Variants in CCDC169 observed in about 807,000 individuals in gnomAD.
The protein encoded by CCDC169 is coiled-coil domain containing 169, also known as coiled-coil domain-containing protein 169.
Under a neutral mutation model 36.0 loss-of-function variants are expected in CCDC169, and 30 were observed. The observed-to-expected ratio is 0.83, with a 90% CI of 0.62 to 1.13. CCDC169 has a LOEUF of 1.13. CCDC169 is among the 50% of genes most tolerant of loss of function. CCDC169 has a pLI of 0.00. For synonymous variants in CCDC169, 85 were observed against 81.5 expected, an observed-to-expected ratio of 1.04 and a Z score of -0.23; for missense variants, 245 against 245.9, an observed-to-expected ratio of 1.00 and a Z score of 0.03.
rs763913888 is a variant in CCDC169 at position 36,283,703 on chromosome 13, C to T, written c.164-1G>A. 8.4e-6 allele frequency: 13 copies of T among 1,547,924 alleles called. No individual in the cohort carries two copies. In the South Asian group the frequency reaches 1.1e-4, roughly 13 times the overall value. ...TCATAACGGGTTTTCCATTCACTAC[C>T]TGAGTAAAAACAGGGAGAAACAATC... On this transcript the variant is annotated splice_acceptor_variant, in intron 2 of 7. Transcript: ENST00000239859. LOFTEE classifies it high-confidence loss of function.
At chr13:36,240,301 T>C (rs1314831550) in intron 7 of CCDC169, among the ~76,000 whole-genome samples, 1 of 152,008 alleles carries the variant, frequency 6.6e-6, no homozygotes, top group African/African-American at 2.4e-5. Flanking sequence ...TACATATTCT[T>C]ATATAAAACC....
intron 4 of CCDC169, among the ~76,000 whole-genome samples, chr13:36,261,847 G>C (rs903372534): frequency 6.6e-6 from 1 of 152,326 alleles, no homozygotes; most frequent in South Asian, 2.1e-4. Context: ...CTGGGAACTT[G>C]CTGGTTGGAA....
chr13:36,259,822 C>T (rs911839717), intron 4 of CCDC169, among the ~76,000 whole-genome samples: 2 of 152,250 alleles, frequency 1.3e-5, no homozygotes, highest in Non-Finnish European at 2.9e-5. Flanking sequence ...CTTAGGCTCC[C>T]TGTCTCCAGA....
chr13:36,240,852 T>TA (rs1469098346), intron 7 of CCDC169, among the ~76,000 whole-genome samples: 12 of 152,250 alleles, frequency 7.9e-5, no homozygotes, highest in Admixed American at 3.3e-4. Flanking sequence ...TGTCTAGACT[T>TA]TTTTGGCAAC....
At chr13:36,232,369 C>G (rs1168705113) in intron 7 of CCDC169, among the ~76,000 whole-genome samples, 5 of 152,182 alleles carry the variant, frequency 3.3e-5, no homozygotes, top group Non-Finnish European at 5.9e-5. Flanking sequence ...TGGAGATGGT[C>G]CAGTGTAAAT....
intron 4 of CCDC169, among the ~76,000 whole-genome samples, chr13:36,262,529 G>A (rs879493564): frequency 1.3e-5 from 2 of 152,158 alleles, no homozygotes; most frequent in Admixed American, 6.5e-5. Flanking sequence ...CTATACCTAG[G>A]AATTCAAGTC....
At chr13:36,237,814 T>C (rs1871272136) in intron 7 of CCDC169, among the ~76,000 whole-genome samples, 1 of 152,212 alleles carries the variant, frequency 6.6e-6, no homozygotes, top group Non-Finnish European at 1.5e-5. Flanking sequence ...CTGTACCTTT[T>C]CTATGTTTAG....
chr13:36,265,432 TA>T (rs1430602923), intron 4 of CCDC169, among the ~76,000 whole-genome samples: 3 of 152,224 alleles, frequency 2.0e-5, no homozygotes, highest in South Asian at 2.1e-4. Context: ...GAAACCTTAT[TA>T]ATCTACTCTG....
chr13:36,230,298 G>A (rs1222957355), downstream of CCDC169, among the ~76,000 whole-genome samples: 1 of 152,198 alleles, frequency 6.6e-6, no homozygotes, highest in Non-Finnish European at 1.5e-5. Context: ...TAAGTTATAT[G>A]TTCCGGACCT....
intron 4 of CCDC169, among the ~76,000 whole-genome samples, chr13:36,263,197 A>G (rs1377303251): frequency 1.6e-5 from 2 of 125,298 alleles, no homozygotes; most frequent in Non-Finnish European, 3.8e-5. Flanking sequence ...AAAGTAGAGG[A>G]AAAAAAGGGT....
At chr13:36,231,412 G>A (rs2296532) in intron 7 of CCDC169, 120 bp from the exon 8 acceptor site, 151,355 of 926,448 alleles carry the variant, frequency 0.16, 13,465 homozygotes, top group Non-Finnish European at 0.18. Flanking sequence ...ACCTTCACAC[G>A]GAAACCTTCC....
At chr13:36,275,812 A>G (rs1006639923) in intron 4 of CCDC169, among the ~76,000 whole-genome samples, 1 of 152,210 alleles carries the variant, frequency 6.6e-6, no homozygotes, top group African/African-American at 2.4e-5. Flanking sequence ...TAAAGAAATT[A>G]GTATCACAGT....
downstream of CCDC169, chr13:36,224,376 GA>G: frequency 6.6e-6 from 1 of 151,816 alleles, no homozygotes; most frequent in East Asian, 1.9e-4. Context: ...CCTATACATA[GA>G]AAACCCTACA....
intron 4 of CCDC169, chr13:36,282,394 T>C (rs1478632327): frequency 1.0e-6 from 1 of 985,402 alleles, no homozygotes; most frequent in Non-Finnish European, 1.2e-6. Context: ...GGATATAGGA[T>C]TGTTGGATCC....
At chr13:36,236,159 A>G (rs1380578943) in intron 7 of CCDC169, among the ~76,000 whole-genome samples, 1 of 152,032 alleles carries the variant, frequency 6.6e-6, no homozygotes, top group Non-Finnish European at 1.5e-5. Context: ...TGGATCCTAA[A>G]TCCACATGGA....
intron 2 of CCDC169, among the ~76,000 whole-genome samples, chr13:36,293,350 C>T (rs2138655162): frequency 6.6e-6 from 1 of 152,260 alleles, no homozygotes; most frequent in Non-Finnish European, 1.5e-5. Flanking sequence ...AATTACTTAG[C>T]ATATTCCCCA....
chr13:36,274,630 CTGTTT>C (rs1419426063), intron 4 of CCDC169: 1 of 152,116 alleles, frequency 6.6e-6, no homozygotes, highest in South Asian at 2.1e-4. Flanking sequence ...CATAAAAGAG[CTGTTT>C]TGTTTTGTTT....
At chr13:36,262,461 A>G (rs1874723532) in intron 4 of CCDC169, among the ~76,000 whole-genome samples, 1 of 152,178 alleles carries the variant, frequency 6.6e-6, no homozygotes, top group Non-Finnish European at 1.5e-5. Context: ...CTCCTCTAAC[A>G]TGTGCCACAA....
At chr13:36,229,328 A>T (rs1250299891), downstream of CCDC169, among the ~76,000 whole-genome samples, 1 of 152,108 alleles carries the variant, frequency 6.6e-6, no homozygotes, top group African/African-American at 2.4e-5. Context: ...TTTAATACAG[A>T]CATTTTATGG....
Sources: gnomAD v4.1 joint callset for allele counts (sites outside exome capture counted in the v4.1 genomes callset) on GRCh38, gnomAD v4.1.1 for gene constraint, MANE v1.5 for transcripts, NCBI Gene and HGNC (gene_info 2026-07-23, HGNC 2026-07-21) for gene names.